The following CENPU variants were observed in gnomAD, a reference collection of about 807,000 sequenced individuals.
CENPU encodes KSHV latent nuclear antigen interacting protein 1.
CENPU carries 46 observed loss-of-function variants against 56.7 expected under a neutral mutation model. The ratio of observed to expected loss-of-function variants is 0.81; its 90% CI spans 0.64 to 1.04. The LOEUF is 1.04. Ranked by LOEUF, CENPU falls within the 50% of genes least tolerant of loss-of-function variation. The pLI, the probability that CENPU is intolerant of heterozygous loss-of-function variation, is 0.00. For synonymous variants in CENPU, 166 were observed against 163.0 expected (o/e 1.02, Z -0.14); for missense variants, 510 against 490.1 (o/e 1.04, Z -0.38).
At chr4:184,723,717 C>T (rs1478661568) in intron 4 of CENPU, among the ~76,000 whole-genome samples, 2 of 151,814 alleles carry the variant, frequency 1.3e-5, no homozygotes, top group Non-Finnish European at 2.9e-5. Context: ...GTGGCACGTG[C>T]CTGTAGTCCA....
chr4:184,711,264 G>A (rs1210218115), intron 7 of CENPU, among the ~76,000 whole-genome samples: 1 of 151,914 alleles, frequency 6.6e-6, no homozygotes, highest in Non-Finnish European at 1.5e-5. Context: ...GGGGTGGGTG[G>A]ATTCACTTTT....
In CENPU at chr4:184,694,750, G is replaced by C. The variant is rs752879096; in HGVS notation, c.*538C>G. ...CAGTGAAGTGGATGAAATTCCTGAT[G>C]AACTAATTATAGAAGTATTACAAGA... On this transcript the variant is annotated 3_prime_UTR_variant, in exon 13 of 13. Coordinates refer to ENST00000281453, the MANE Select transcript of CENPU (RefSeq NM_024629.4). The C allele has an allele frequency of 3.1e-6, 5 of 1,612,094 alleles. No homozygotes were observed. Among genetic ancestry groups the C allele is most frequent in the Non-Finnish European group, 4.2e-6 (5 of 1,178,286 alleles).
intron 4 of CENPU, among the ~76,000 whole-genome samples, chr4:184,717,593 T>TGATGGGA (rs147557634): frequency 1.3e-3 from 197 of 152,342 alleles, no homozygotes; most frequent in African/African-American, 4.5e-3. Context: ...CCCTAACTTC[T>TGATGGGA]GATGGGAGAT....
intron 6 of CENPU, among the ~76,000 whole-genome samples, chr4:184,715,127 G>A (rs938608345): frequency 2.0e-5 from 3 of 152,156 alleles, no homozygotes; most frequent in African/African-American, 7.2e-5. Context: ...GAAACTATAC[G>A]GTTACCTGTG....
chr4:184,725,929 C>T (rs969175086), intron 3 of CENPU, among the ~76,000 whole-genome samples: 1 of 152,120 alleles, frequency 6.6e-6, no homozygotes, highest in South Asian at 2.1e-4. Context: ...CAGGACTTAA[C>T]GCAGGGGTAG....
At chr4:184,702,199 CAT>C (rs1449900574) in intron 9 of CENPU, 63 bp from the exon 10 acceptor site, 22 of 1,337,810 alleles carry the variant, frequency 1.6e-5, no homozygotes, top group African/African-American at 7.3e-5. Context: ...ATTAGTTTCA[CAT>C]GTGTCACATT....
At chr4:184,709,284 C>T (rs1318225957) in intron 8 of CENPU, among the ~76,000 whole-genome samples, 8 of 152,022 alleles carry the variant, frequency 5.3e-5, no homozygotes, top group African/African-American at 9.7e-5. Flanking sequence ...ATCAGGAGAT[C>T]GAGACCATCC....
intron 8 of CENPU, among the ~76,000 whole-genome samples, chr4:184,706,661 C>T (rs1278523670): frequency 6.6e-6 from 1 of 152,206 alleles, no homozygotes; most frequent in Admixed American, 6.5e-5. Flanking sequence ...CAAACAGACC[C>T]TTAAACAGTT....
rs546766922 is a variant in CENPU, at chr4:184,694,905, T to A, written c.*383A>T. 2.4e-6 allele frequency: 2 copies of A among 840,266 alleles called. No homozygotes were observed. The highest frequency in any genetic ancestry group is 3.6e-6 in the Non-Finnish European group (2 of 560,056). The allele number at this position is 840,266 out of a possible 1,614,324, so 52.1% of individuals were successfully genotyped here. On this transcript the variant is annotated 3_prime_UTR_variant, in exon 13 of 13. Transcript: ENST00000281453. ...TATTACTTTGCTTTCCAATTTTTGTTTTTTACTTCTGTAAACCAATTTCAT... is the reference window on the plus strand; with the variant it reads ...TATTACTTTGCTTTCCAATTTTTGTATTTTACTTCTGTAAACCAATTTCAT...
chr4:184,716,634 C>T lies in CENPU; in HGVS notation c.382-1G>A. The T allele has an allele frequency of 6.2e-7, 1 of 1,610,254 alleles. No homozygotes were observed. The highest frequency in any genetic ancestry group is 8.5e-7 in the Non-Finnish European group (1 of 1,177,932). On this transcript the variant is annotated splice_acceptor_variant, in intron 5 of 12. Transcript: ENST00000281453. LOFTEE classifies it high-confidence loss of function. ...TAATGGGCCTGAGCTTTCTTCCTGG[C>T]TGTGTGAAAGAAAAAACAGCAGTAC...
At chr4:184,710,646 T>C (rs1760891480) in intron 7 of CENPU, among the ~76,000 whole-genome samples, 1 of 149,240 alleles carries the variant, frequency 6.7e-6, no homozygotes, top group Non-Finnish European at 1.5e-5. Flanking sequence ...TGGTTCTAGT[T>C]TGAGCTTCTT....
chr4:184,731,741 A>G (rs1761652954), intron 1 of CENPU, among the ~76,000 whole-genome samples: 1 of 152,212 alleles, frequency 6.6e-6, no homozygotes. Flanking sequence ...GATTGCAGCC[A>G]TATTTTTCTC....
chr4:184,699,880 C>T (rs551129626), intron 11 of CENPU, among the ~76,000 whole-genome samples: 1 of 152,328 alleles, frequency 6.6e-6, no homozygotes, highest in Admixed American at 6.5e-5. Flanking sequence ...TGGTCTTGAA[C>T]TCCTGACCTC....
chr4:184,713,372 C>G (rs1403596561), intron 6 of CENPU, among the ~76,000 whole-genome samples: 4 of 152,060 alleles, frequency 2.6e-5, no homozygotes, highest in African/African-American at 9.7e-5. Flanking sequence ...CCAGCCTGGG[C>G]AACAGAGCAA....
intron 3 of CENPU, among the ~76,000 whole-genome samples, 167 bp downstream of exon 3, chr4:184,728,751 C>T (rs867687963): frequency 5.3e-5 from 8 of 152,032 alleles, no homozygotes; most frequent in South Asian, 4.1e-4. Flanking sequence ...TCAATGTACC[C>T]GTAAGTGAGG....
chr4:184,732,931 G>A (rs1761702053), intron 1 of CENPU, among the ~76,000 whole-genome samples: 2 of 151,526 alleles, frequency 1.3e-5, no homozygotes, highest in South Asian at 4.2e-4. Context: ...GAACCTGGGA[G>A]GCGGAGATTG....
At chr4:184,702,847 A>G (rs905919593) in intron 8 of CENPU, among the ~76,000 whole-genome samples, 2 of 152,156 alleles carry the variant, frequency 1.3e-5, no homozygotes, top group African/African-American at 2.4e-5. Context: ...TCCTGCAATA[A>G]TTCACTTGGG....
In CENPU at chr4:184,694,178, G is replaced by A; in HGVS notation, c.*1110C>T. 9.8e-7 allele frequency: 1 copy of A among 1,024,696 alleles called. No individual in the cohort carries two copies. The highest frequency in any genetic ancestry group is 1.2e-6 in the Non-Finnish European group (1 of 851,810). 63.5% of individuals were successfully genotyped at this position (1,024,696 alleles called of 1,614,324 possible). A position where few individuals can be genotyped will look rare whatever the true frequency, so the allele number is the denominator to read the frequency against. The stretch of plus-strand genomic sequence containing the variant: ...GCATGGGTACTAAGTCCATTGTCAA[G>A]ATAGCAAATTTATCTTCTGATTTGT... On this transcript the variant is annotated 3_prime_UTR_variant, in exon 13 of 13. Transcript: ENST00000281453.
chr4:184,713,033 TAA>T lies in CENPU; in HGVS notation c.619-22_619-21del, dbSNP rs1167745174. On this transcript the variant is annotated intron_variant, in intron 6 of 12. Coordinates refer to ENST00000281453, the MANE Select transcript of CENPU (RefSeq NM_024629.4). ...AGTTTTCTACAAAAAAAAAAAGCATTAAGTTTTTAAGAAAAGTTTTCTTTCTC... is the reference window on the plus strand; with the variant it reads ...AGTTTTCTACAAAAAAAAAAAGCATTGTTTTTAAGAAAAGTTTTCTTTCTC... 2 of 1,428,862 alleles carry T rather than the reference TAA, an allele frequency of 1.4e-6. No homozygotes were observed. Among genetic ancestry groups the T allele is most frequent in the African/African-American group, 2.9e-5 (2 of 69,324 alleles). The allele number at this position is 1,428,862 out of a possible 1,614,324, so 88.5% of individuals were successfully genotyped here.
Sources: gnomAD v4.1 joint callset for allele counts (sites outside exome capture counted in the v4.1 genomes callset) on GRCh38, gnomAD v4.1.1 for gene constraint, MANE v1.5 for transcripts, NCBI Gene and HGNC (gene_info 2026-07-23, HGNC 2026-07-21) for gene names.